HAUS6: variants seen among roughly 807,000 people sequenced by gnomAD.
HAUS6 encodes HAUS augmin like complex subunit 6.
Under a neutral mutation model 106.8 loss-of-function variants are expected in HAUS6, and 80 were observed. That is an observed-to-expected ratio of 0.75 (90% CI 0.63 to 0.90). HAUS6 has a LOEUF of 0.90. Among genes scored for constraint, HAUS6 ranks in the 40% least tolerant of loss-of-function variants. The pLI, the probability that HAUS6 is intolerant of heterozygous loss-of-function variation, is 0.00. For synonymous variants in HAUS6, 356 were observed against 379.1 expected, an observed-to-expected ratio of 0.94 and a Z score of 0.71; for missense variants, 1,155 against 1,118.1, an observed-to-expected ratio of 1.03 and a Z score of -0.47.
intron 2 of HAUS6, 85 bp downstream of exon 2, chr9:19,096,589 A>AAAAAT: frequency 2.0e-6 from 1 of 500,046 alleles, no homozygotes; most frequent in Non-Finnish European, 3.6e-6. Flanking sequence ...AAAAAAAAAA[A>AAAAAT]GGAGAGAATT....
chr9:19,086,312 G>T (rs374169576), intron 7 of HAUS6, among the ~76,000 whole-genome samples: 1 of 137,452 alleles, frequency 7.3e-6, no homozygotes, highest in Non-Finnish European at 1.6e-5. Context: ...ATCTCAAAAG[G>T]GGGAGGGGAG....
chr9:19,089,749 G>T, intron 4 of HAUS6, 190 bp from the exon 5 acceptor site: 1 of 526,800 alleles, frequency 1.9e-6, no homozygotes. Context: ...TCAATATTAA[G>T]AAATTAAATT....
chr9:19,069,863 C>A (rs10811109), intron 12 of HAUS6, among the ~76,000 whole-genome samples: 36,314 of 151,928 alleles, frequency 0.24, 5,923 homozygotes, highest in African/African-American at 0.47. Flanking sequence ...TGGGAGGCCC[C>A]GGCAGGAGGA....
intron 8 of HAUS6, 46 bp from the exon 9 acceptor site, chr9:19,080,718 A>G: frequency 2.0e-6 from 2 of 1,009,726 alleles, no homozygotes; most frequent in Non-Finnish European, 3.0e-6. Flanking sequence ...ATAGGTTGTT[A>G]CAACAAACTA....
chr9:19,080,339 A>C (rs1370290577), intron 9 of HAUS6, 140 bp downstream of exon 9: 4 of 615,684 alleles, frequency 6.5e-6, no homozygotes, highest in South Asian at 2.0e-5. Context: ...TATCTCCAAG[A>C]GTTGATTATG....
chr9:19,087,785 G>A (rs779592973), intron 5 of HAUS6, among the ~76,000 whole-genome samples: 26 of 141,344 alleles, frequency 1.8e-4, no homozygotes, highest in Non-Finnish European at 3.8e-4. Context: ...CAAGGCTGCC[G>A]TGAGTCATAA....
At chr9:19,089,724 C>G in intron 4 of HAUS6, 165 bp from the exon 5 acceptor site, 1 of 514,502 alleles carries the variant, frequency 1.9e-6, no homozygotes, top group East Asian at 3.2e-5. Context: ...TAATAAATAC[C>G]AAAAATGTTG....
At chr9:19,069,586 G>A (rs1474421946) in intron 12 of HAUS6, among the ~76,000 whole-genome samples, 1 of 152,038 alleles carries the variant, frequency 6.6e-6, no homozygotes, top group Non-Finnish European at 1.5e-5. Context: ...CTACTTAGGA[G>A]GTAGCCTGAA....
At chr9:19,075,312 G>A (rs1409437744) in intron 11 of HAUS6, among the ~76,000 whole-genome samples, 3 of 152,220 alleles carry the variant, frequency 2.0e-5, no homozygotes, top group African/African-American at 7.2e-5. Context: ...CAATTGTGAT[G>A]ATGGTTGCAC....
chr9:19,077,789 G>C (rs1176694020), intron 10 of HAUS6, among the ~76,000 whole-genome samples: 5 of 152,248 alleles, frequency 3.3e-5, no homozygotes, highest in Non-Finnish European at 5.9e-5. Context: ...GCTGAGTGTA[G>C]TGGCTCATGC....
intron 5 of HAUS6, 69 bp from the exon 6 acceptor site, chr9:19,087,225 T>C: frequency 2.2e-6 from 2 of 895,026 alleles, no homozygotes; most frequent in South Asian, 2.7e-5. Context: ...CACTTCTCTA[T>C]TTTCCCTTTG....
intron 1 of HAUS6, among the ~76,000 whole-genome samples, chr9:19,097,166 A>T (rs189120327): frequency 0.015 from 2,353 of 152,296 alleles, 26 homozygotes; most frequent in Non-Finnish European, 0.026. Context: ...AACCTAGGCA[A>T]TACCATTCAG....
intron 1 of HAUS6, among the ~76,000 whole-genome samples, chr9:19,099,389 A>C (rs771477566): frequency 1.3e-5 from 2 of 152,052 alleles, no homozygotes; most frequent in Admixed American, 1.3e-4. Flanking sequence ...GATGGTCTCA[A>C]TTTCCTGACC....
intron 4 of HAUS6, among the ~76,000 whole-genome samples, chr9:19,090,387 C>T (rs554254799): frequency 3.3e-5 from 5 of 152,174 alleles, no homozygotes; most frequent in African/African-American, 9.6e-5. Flanking sequence ...TTTTTTGAGA[C>T]GGAGTCTCCC....
rs199696879 is a variant in HAUS6, at chr9:19,078,693, T to C, written c.1065-391A>G. The stretch of plus-strand genomic sequence containing the variant: ...ATTTCAGCTACTAAGGAGGCTGAGG[T>C]AGGAGAATCGCTTGAACCCAGGAGG... On this transcript the variant is annotated intron_variant, in intron 9 of 16. Coordinates refer to ENST00000380502, the MANE Select transcript of HAUS6 (RefSeq NM_017645.5). Among the ~76,000 whole-genome samples, 3 of 151,348 alleles carry C rather than the reference T, an allele frequency of 2.0e-5. No individual in the cohort carries two copies. In the South Asian group the frequency reaches 6.3e-4, roughly 32 times the overall value.
intron 14 of HAUS6, among the ~76,000 whole-genome samples, chr9:19,062,141 A>T (rs1236560514): frequency 6.6e-6 from 1 of 152,248 alleles, no homozygotes; most frequent in Admixed American, 6.5e-5. Context: ...TTGTGTGGTC[A>T]CTTACCAGTA....
At chr9:19,100,830 AC>A (rs1817971465) in intron 1 of HAUS6, among the ~76,000 whole-genome samples, 1 of 152,196 alleles carries the variant, frequency 6.6e-6, no homozygotes, top group Admixed American at 6.5e-5. Flanking sequence ...AGTAAAATAA[AC>A]CAGGCACGGA....
Position 19,076,682 on chromosome 9 carries a change from A to G in HAUS6, c.1214T>C (p.Met405Thr). Residue 405 changes from methionine to threonine, a missense_variant, in exon 11 of 17, where the codon ATG (methionine) becomes ACG (threonine). This residue lies in a region of HAUS6 where 761 missense variants were observed against 690.0 expected (regional missense o/e 1.10). Transcript: ENST00000380502. The stretch of plus-strand genomic sequence containing the variant: ...GGCAGGATCAAACGAAAGGGGAGAC[A>G]TTGGTGGTAAAAGATCTACAGACTT... Reference protein sequence around the residue: ...WTPSVDLLPPMSPLSFDPASE... With the variant: ...WTPSVDLLPPTSPLSFDPASE... The G allele has an allele frequency of 1.9e-6, 3 of 1,548,196 alleles. No individual in the cohort carries two copies. Among genetic ancestry groups the G allele is most frequent in the South Asian group, 1.1e-5 (1 of 89,380 alleles).
At chr9:19,086,620 C>CAAAAA in intron 7 of HAUS6, 114 bp downstream of exon 7, 5 of 370,008 alleles carry the variant, frequency 1.4e-5, no homozygotes, top group South Asian at 2.9e-5. Flanking sequence ...ACTCCAACTC[C>CAAAAA]AAAAAAAAAA....
Sources: allele counts gnomAD v4.1 joint callset (sites outside exome capture counted in the v4.1 genomes callset), GRCh38; gene constraint gnomAD v4.1.1; regional missense constraint gnomAD v4.1.1; transcripts MANE v1.5; gene names NCBI Gene and HGNC (gene_info 2026-07-23, HGNC 2026-07-21).